Variants in ANK2 observed in about 807,000 individuals in gnomAD.
ANK2 encodes ankyrin 2, also known as ankyrin-2.
A neutral mutation model predicts 360.5 loss-of-function variants in ANK2; 83 were observed. The ratio of observed to expected loss-of-function variants is 0.23; its 90% CI spans 0.19 to 0.28. ANK2 has a LOEUF of 0.28. ANK2 is among the 10% of genes least tolerant of loss of function. The probability of loss-of-function intolerance (pLI) is 1.00; values close to 1 mark genes in which losing one functional copy is unlikely to be tolerated. For missense variants in ANK2, 4,201 were observed against 4,795.7 expected, an observed-to-expected ratio of 0.88 and a Z score of 3.66; for synonymous variants, 1,740 against 1,759.5, an observed-to-expected ratio of 0.99 and a Z score of 0.28.
chr4:113,159,778 T>A (rs1825551), intron 1 of ANK2, among the ~76,000 whole-genome samples: 45 of 150,646 alleles, frequency 3.0e-4, no homozygotes, highest in Middle Eastern at 3.4e-3. Context: ...CGGCTAATTT[T>A]TATATATATA....
At chr4:113,014,346 A>G (rs1327458290) in intron 2 of ANK2, among the ~76,000 whole-genome samples, 8 of 152,234 alleles carry the variant, frequency 5.3e-5, no homozygotes, top group Non-Finnish European at 8.8e-5. Context: ...CTTAAGCTTT[A>G]TGATAACCGT....
At chr4:113,262,078 T>C (rs2053239749) in intron 13 of ANK2, among the ~76,000 whole-genome samples, 1 of 152,060 alleles carries the variant, frequency 6.6e-6, no homozygotes, top group Non-Finnish European at 1.5e-5. Flanking sequence ...ATAATAAACA[T>C]GAAAATTTGT....
chr4:113,354,130 A>G lies in ANK2; in HGVS notation c.5512A>G (p.Lys1838Glu). The G allele has an allele frequency of 6.2e-7, 1 of 1,614,142 alleles. No homozygotes were observed. Among genetic ancestry groups the G allele is most frequent in the South Asian group, 1.1e-5 (1 of 91,082 alleles). The change falls in exon 38 of 46, where the codon AAA (lysine) becomes GAA (glutamate). Residue 1838 changes from lysine (K) to glutamate (E), a missense_variant. Physicochemically the swap from Lys to Glu is moderately conservative, Grantham distance 56 (BLOSUM62 1). Coordinates refer to ENST00000357077, the MANE Select transcript of ANK2 (RefSeq NM_001148.6). ...ACACTCTACTCTTTCCTCTTCCGCA[A>G]AAACTGAAAGGCACCCTCCAGTATC... is the stretch of plus-strand genomic sequence containing the variant. The part of the protein sequence containing the change: ...ERHSTLSSSA[K>E]TERHPPVSPS...
At chr4:113,257,747 CTAAAAT>C (rs1417652860) in intron 11 of ANK2, among the ~76,000 whole-genome samples, 36 of 152,282 alleles carry the variant, frequency 2.4e-4, no homozygotes, top group Middle Eastern at 3.4e-3. Flanking sequence ...CTTAGAACTT[CTAAAAT>C]GTAATTGCTT....
intron 14 of ANK2, among the ~76,000 whole-genome samples, chr4:113,266,545 T>C (rs945628963): frequency 1.3e-5 from 2 of 152,202 alleles, no homozygotes; most frequent in Non-Finnish European, 2.9e-5. Context: ...TCTTCCACAA[T>C]GGTTGAACTA....
chr4:113,098,487 C>T (rs1395338501), intron 1 of ANK2, among the ~76,000 whole-genome samples: 1 of 151,818 alleles, frequency 6.6e-6, no homozygotes, highest in Non-Finnish European at 1.5e-5. Flanking sequence ...AAAACCTATA[C>T]AAAAAGAAAT....
chr4:113,304,071 T>C (rs2076167502), intron 23 of ANK2, among the ~76,000 whole-genome samples: 2 of 152,226 alleles, frequency 1.3e-5, no homozygotes, highest in South Asian at 2.1e-4. Flanking sequence ...TTGAGTAAAT[T>C]CAAAGGTATT....
upstream of ANK2, among the ~76,000 whole-genome samples, chr4:112,815,026 T>C (rs1236827456): frequency 7.3e-6 from 1 of 137,492 alleles, no homozygotes; most frequent in East Asian, 2.5e-4. Context: ...TTTTTTTTTT[T>C]TATGATGGAG....
At chr4:112,814,874 CATATT>C (rs1261137813), upstream of ANK2, among the ~76,000 whole-genome samples, 2 of 152,120 alleles carry the variant, frequency 1.3e-5, no homozygotes, top group Admixed American at 6.5e-5. Flanking sequence ...TCACTTAGCT[CATATT>C]ATAAGAAATA....
chr4:112,835,191 G>A (rs892067693), intron 1 of ANK2, among the ~76,000 whole-genome samples: 2 of 152,152 alleles, frequency 1.3e-5, no homozygotes, highest in African/African-American at 4.8e-5. Flanking sequence ...TATTCCATTA[G>A]GGATTACAAA....
chr4:113,272,452 A>C (rs954160636), intron 14 of ANK2, among the ~76,000 whole-genome samples: 2 of 152,198 alleles, frequency 1.3e-5, no homozygotes, highest in South Asian at 2.1e-4. Flanking sequence ...AGTAAATTCA[A>C]CTTTTGCAAT....
intron 2 of ANK2, among the ~76,000 whole-genome samples, chr4:112,947,856 C>T (rs2094645909): frequency 6.6e-6 from 1 of 152,178 alleles, no homozygotes; most frequent in African/African-American, 2.4e-5. Context: ...CCAACACAGG[C>T]TGTTTTGATG....
intron 1 of ANK2, among the ~76,000 whole-genome samples, chr4:113,054,536 T>C (rs1036626109): frequency 6.6e-6 from 1 of 152,202 alleles, no homozygotes; most frequent in African/African-American, 2.4e-5. Flanking sequence ...GGTGTCCAAA[T>C]AGTATTGGAG....
At chr4:112,874,423 G>A (rs989747945) in intron 1 of ANK2, among the ~76,000 whole-genome samples, 1 of 150,820 alleles carries the variant, frequency 6.6e-6, no homozygotes, top group African/African-American at 2.4e-5. Flanking sequence ...GGCAGATTAC[G>A]TGAGGTCAGG....
At chr4:112,736,652 G>A in the ANK2 span, among the ~76,000 whole-genome samples, 1 of 152,148 alleles carries the variant, frequency 6.6e-6, no homozygotes, top group Non-Finnish European at 1.5e-5. Context: ...TTTTTTGTTA[G>A]AGAGGAATTT....
chr4:112,809,138 C>T, the ANK2 span, among the ~76,000 whole-genome samples: 1 of 151,702 alleles, frequency 6.6e-6, no homozygotes, highest in East Asian at 2.0e-4. Context: ...GGATTACAGG[C>T]GTGAGCCACT....
Position 113,342,695 on chromosome 4 carries a change from G to A in ANK2, c.4123-322G>A, listed in dbSNP as rs539970757. Among the ~76,000 whole-genome samples the A allele has an allele frequency of 2.0e-3, 301 of 147,078 alleles. 1 individual carries two copies. The highest frequency in any genetic ancestry group is 6.6e-3 in the African/African-American group (257 of 39,234). On this transcript the variant is annotated intron_variant, in intron 33 of 45. Coordinates refer to ENST00000357077, the MANE Select transcript of ANK2 (RefSeq NM_001148.6). ...AGCCTGGGCAACAGAGTGAGACTCCGTCTCAAAAAAAAAAAAAAATTACCC... is the reference window on the plus strand; with the variant it reads ...AGCCTGGGCAACAGAGTGAGACTCCATCTCAAAAAAAAAAAAAAATTACCC...
At chr4:113,361,067 C>T (rs1229575227) in intron 39 of ANK2, among the ~76,000 whole-genome samples, 170 bp downstream of exon 39, 1 of 152,098 alleles carries the variant, frequency 6.6e-6, no homozygotes, top group Non-Finnish European at 1.5e-5. Context: ...TGGTATAGCC[C>T]AGGGCAGGCC....
chr4:112,855,833 C>T (rs2066268308), intron 1 of ANK2, among the ~76,000 whole-genome samples: 1 of 152,134 alleles, frequency 6.6e-6, no homozygotes, highest in Non-Finnish European at 1.5e-5. Flanking sequence ...GGAATGTCCT[C>T]CCCTTTGGAT....
Sources: gnomAD v4.1 joint callset for allele counts (sites outside exome capture counted in the v4.1 genomes callset) on GRCh38, gnomAD v4.1.1 for gene constraint, MANE v1.5 for transcripts, NCBI Gene and HGNC (gene_info 2026-07-23, HGNC 2026-07-21) for gene names.